Variants in LARS2 observed in about 807,000 individuals in gnomAD.
LARS2 encodes the protein leucyl-tRNA synthetase 2, mitochondrial.
LARS2 carries 81 observed loss-of-function variants against 116.6 expected under a neutral mutation model. That is an observed-to-expected ratio of 0.69 (90% CI 0.58 to 0.84). LARS2 has a LOEUF of 0.84. Among genes scored for constraint, LARS2 ranks in the 40% least tolerant of loss-of-function variants. LARS2 has a pLI of 0.00. For synonymous variants in LARS2, 396 were observed against 407.2 expected (o/e 0.97, Z 0.33); for missense variants, 968 against 1,114.5 (o/e 0.87, Z 1.87).
intron 13 of LARS2, among the ~76,000 whole-genome samples, chr3:45,496,030 T>C (rs1262472753): frequency 1.3e-5 from 2 of 152,086 alleles, no homozygotes; most frequent in Non-Finnish European, 2.9e-5. Flanking sequence ...CAGCTAATTG[T>C]TCGTATTTTT....
chr3:45,496,416 G>A lies in LARS2; in HGVS notation c.1622+43G>A, dbSNP rs181665720. On this transcript the variant is annotated intron_variant, in intron 14 of 21. Coordinates refer to ENST00000645846, the MANE Select transcript of LARS2 (RefSeq NM_015340.4). ...ATGTCTTTGAGCATTTGTCAGTGTGGCTCCTCCTAGAAGCAAAGACCAAGA... is the reference window on the plus strand; with the variant it reads ...ATGTCTTTGAGCATTTGTCAGTGTGACTCCTCCTAGAAGCAAAGACCAAGA... The A allele has an allele frequency of 4.6e-3, 6,453 of 1,416,320 alleles. 415 individuals carry two copies. The Admixed American group carries it at 0.099, about 22-fold the overall frequency. The allele number at this position is 1,416,320 out of a possible 1,614,324, so 87.7% of individuals were successfully genotyped here.
intron 15 of LARS2, among the ~76,000 whole-genome samples, chr3:45,507,712 A>G (rs760372248): frequency 6.6e-6 from 1 of 152,140 alleles, no homozygotes; most frequent in African/African-American, 2.4e-5. Flanking sequence ...TTGTCTTTAT[A>G]TATACAAGCA....
Position 45,523,423 on chromosome 3 carries a change from C to T in LARS2, c.2293-574C>T, listed in dbSNP as rs539545590. 4.6e-5 allele frequency among the ~76,000 whole-genome samples: 7 copies of T among 152,302 alleles called. No individual in the cohort carries two copies. The South Asian group carries it at 1.5e-3, about 32-fold the overall frequency. On this transcript the variant is annotated intron_variant, in intron 19 of 21. Coordinates refer to ENST00000645846, the MANE Select transcript of LARS2 (RefSeq NM_015340.4). ...CCTGGGGGCAGATTGCCCTCCCTTG[C>T]TGATCCTTAGCTGCTTCATCTGTCC...
intron 7 of LARS2, among the ~76,000 whole-genome samples, chr3:45,454,078 G>A (rs1445693250): frequency 6.6e-6 from 1 of 152,194 alleles, no homozygotes; most frequent in Non-Finnish European, 1.5e-5. Flanking sequence ...GTAATGATGA[G>A]ATGAGAGGCG....
At chr3:45,464,075 C>T (rs1349681679) in intron 8 of LARS2, among the ~76,000 whole-genome samples, 7 of 152,146 alleles carry the variant, frequency 4.6e-5, no homozygotes, top group Admixed American at 2.6e-4. Context: ...AGGTAATAAG[C>T]GCCCATTTCC....
intron 7 of LARS2, among the ~76,000 whole-genome samples, chr3:45,455,159 G>T: frequency 6.7e-6 from 1 of 150,302 alleles, no homozygotes. Flanking sequence ...TCAATGCTTG[G>T]GTTTTATTAT....
intron 9 of LARS2, 40 bp downstream of exon 9, chr3:45,474,390 A>G (rs1299435820): frequency 7.5e-7 from 1 of 1,336,248 alleles, no homozygotes; most frequent in Non-Finnish European, 1.1e-6. Flanking sequence ...CATGATCACA[A>G]ATCTCCTCTA....
chr3:45,402,067 C>T (rs1351833852), intron 4 of LARS2, among the ~76,000 whole-genome samples: 1 of 152,192 alleles, frequency 6.6e-6, no homozygotes, highest in Non-Finnish European at 1.5e-5. Context: ...TGCCAGGATT[C>T]AAATTCCAGC....
chr3:45,533,301 C>T (rs1477715961), intron 20 of LARS2, among the ~76,000 whole-genome samples: 2 of 151,834 alleles, frequency 1.3e-5, no homozygotes, highest in Admixed American at 1.3e-4. Flanking sequence ...CAGGCCCCCG[C>T]CACCATACCC....
In LARS2 at chr3:45,488,685, T is replaced by G; in HGVS notation, c.1124-12T>G. On this transcript the variant is annotated splice_polypyrimidine_tract_variant and intron_variant, in intron 11 of 21. Coordinates refer to ENST00000645846, the MANE Select transcript of LARS2 (RefSeq NM_015340.4). ...GTGAAGGAAATGTTTTCTTTTCTTCTCCTCTGAATAGGAATTCCCAGTACT... is the reference window on the plus strand; with the variant it reads ...GTGAAGGAAATGTTTTCTTTTCTTCGCCTCTGAATAGGAATTCCCAGTACT... 1 of 1,521,284 alleles carries G rather than the reference T, an allele frequency of 6.6e-7. No individual in the cohort carries two copies. The allele number at this position is 1,521,284 out of a possible 1,614,324, so 94.2% of individuals were successfully genotyped here.
At chr3:45,532,077 T>C (rs1207049923) in intron 20 of LARS2, among the ~76,000 whole-genome samples, 8 of 152,242 alleles carry the variant, frequency 5.3e-5, no homozygotes, top group Non-Finnish European at 1.0e-4. Flanking sequence ...CTTCTAATAG[T>C]TATGCCATGG....
chr3:45,488,107 A>G (rs1321174886), intron 11 of LARS2, among the ~76,000 whole-genome samples: 4 of 152,056 alleles, frequency 2.6e-5, no homozygotes, highest in African/African-American at 9.7e-5. Flanking sequence ...AAAAAAAAGC[A>G]CTCAAAAATG....
At chr3:45,498,908 T>C (rs942811445) in intron 14 of LARS2, among the ~76,000 whole-genome samples, 5 of 152,240 alleles carry the variant, frequency 3.3e-5, no homozygotes, top group African/African-American at 1.2e-4. Flanking sequence ...ACCTTAAATA[T>C]GTTGCATCGC....
intron 15 of LARS2, among the ~76,000 whole-genome samples, chr3:45,507,232 A>G (rs1371909566): frequency 6.6e-6 from 1 of 151,648 alleles, no homozygotes; most frequent in Non-Finnish European, 1.5e-5. Flanking sequence ...CCCCATTTCT[A>G]TGATTTTAAA....
chr3:45,524,047 G>T lies in LARS2; in HGVS notation c.2343G>T (p.Leu781Phe), dbSNP rs1441620832. The change falls in exon 20 of 22, where the codon TTG becomes TTT. Residue 781 changes from leucine to phenylalanine, a missense_variant. Transcript: ENST00000645846. ...ILHSPEFEDA[L>F]CALMVMAAPL... ...ACAGCCCCGAGTTTGAGGATGCTTT[G>T]TGTGCCCTGATGGTAATGGCTGCTC... is the stretch of plus-strand genomic sequence containing the variant. 6.2e-7 allele frequency: 1 copy of T among 1,613,852 alleles called. No individual in the cohort carries two copies. The highest frequency in any genetic ancestry group is 1.3e-5 in the African/African-American group (1 of 74,858).
At chr3:45,504,953 G>T (rs934379373) in intron 15 of LARS2, among the ~76,000 whole-genome samples, 2 of 151,570 alleles carry the variant, frequency 1.3e-5, no homozygotes, top group East Asian at 3.9e-4. Context: ...GGTGGCATGC[G>T]CCTGTAGCCC....
At chr3:45,429,617 T>G (rs1436566677) in intron 6 of LARS2, among the ~76,000 whole-genome samples, 1 of 152,154 alleles carries the variant, frequency 6.6e-6, no homozygotes, top group African/African-American at 2.4e-5. Flanking sequence ...CCTTTTGCCA[T>G]TTAACTAACA....
intron 6 of LARS2, among the ~76,000 whole-genome samples, chr3:45,431,445 C>T (rs867323515): frequency 1.3e-5 from 2 of 152,096 alleles, no homozygotes; most frequent in Non-Finnish European, 1.5e-5. Context: ...GAGAAGAATA[C>T]GTTATAAAAA....
chr3:45,439,051 A>G lies in LARS2; in HGVS notation c.517-7840A>G, dbSNP rs1698857426. 5.9e-5 allele frequency among the ~76,000 whole-genome samples: 9 copies of G among 151,988 alleles called. No homozygotes were observed. In the South Asian group the frequency reaches 1.9e-3, roughly 32 times the overall value. ...TCCTGCATAAGGACCATTTAGTAGC[A>G]TCTAAGTGAGAAACTAGCCCTGTTC... On this transcript the variant is annotated intron_variant, in intron 6 of 21. Coordinates refer to ENST00000645846, the MANE Select transcript of LARS2 (RefSeq NM_015340.4).
Sources: gnomAD v4.1 joint callset for allele counts (sites outside exome capture counted in the v4.1 genomes callset) on GRCh38, gnomAD v4.1.1 for gene constraint, MANE v1.5 for transcripts, NCBI Gene and HGNC (gene_info 2026-07-23, HGNC 2026-07-21) for gene names.